The following PCDHA4 variants were observed in gnomAD, a reference collection of about 807,000 sequenced individuals.
PCDHA4 encodes the protein protocadherin alpha 4.
PCDHA4 carries 49 observed loss-of-function variants against 61.4 expected under a neutral mutation model. The observed-to-expected ratio is 0.80, with a 90% CI of 0.63 to 1.01. The LOEUF (loss-of-function observed/expected upper bound fraction) is 1.01, where lower values mean the gene tolerates loss of function less well. Ranked by LOEUF, PCDHA4 falls within the 50% of genes least tolerant of loss-of-function variation. The pLI, the probability that PCDHA4 is intolerant of heterozygous loss-of-function variation, is 0.00. For missense variants in PCDHA4, 1,254 were observed against 1,235.8 expected, an observed-to-expected ratio of 1.01 and a Z score of -0.22; for synonymous variants, 590 against 550.3, an observed-to-expected ratio of 1.07 and a Z score of -1.01.
rs139717123 is a variant in PCDHA4, at chr5:140,967,213, G to A, written c.2386-11736G>A. 8 of 1,613,598 alleles carry A rather than the reference G, an allele frequency of 5.0e-6. No individual in the cohort carries two copies. The African/African-American group carries it at 8.0e-5, about 16-fold the overall frequency. On this transcript the variant is annotated intron_variant, in intron 1 of 3. Coordinates refer to ENST00000530339, the MANE Select transcript of PCDHA4 (RefSeq NM_018907.4). ...TCAACGACAACTCACCGCGTTTCCC[G>A]CGGCCCAACTACCAGCTTCAGGTAA...
At chr5:140,859,972 C>A (rs949834053) in intron 1 of PCDHA4, 1 of 151,842 alleles carries the variant, frequency 6.6e-6, no homozygotes, top group South Asian at 2.1e-4. Flanking sequence ...CTCAGGTATA[C>A]AAGTGCATTA....
rs188796483 is a variant in PCDHA4 at position 140,869,402 on chromosome 5, C to T, written c.2385+59830C>T. On this transcript the variant is annotated intron_variant, in intron 1 of 3. Transcript: ENST00000530339. The stretch of plus-strand genomic sequence containing the variant: ...CGCGAGGAGCTGTGCGGGCAGAGCG[C>T]GGAGTGCAGCATCCACCTGGAGGTG... 9.6e-4 allele frequency: 1,554 copies of T among 1,614,178 alleles called. 9 individuals are homozygous for T. The highest frequency in any genetic ancestry group is 2.2e-4 in the Non-Finnish European group (262 of 1,180,040).
intron 1 of PCDHA4, 79 bp from the exon 2 acceptor site, chr5:140,978,870 G>T: frequency 6.2e-7 from 1 of 1,606,988 alleles, no homozygotes; most frequent in Non-Finnish European, 8.5e-7. Context: ...ATTTAAGGGA[G>T]TAACTAATCA....
intron 1 of PCDHA4, among the ~76,000 whole-genome samples, chr5:140,906,729 G>T (rs1444256364): frequency 1.3e-5 from 2 of 152,184 alleles, no homozygotes; most frequent in Admixed American, 1.3e-4. Flanking sequence ...TGCTGTTGTA[G>T]TTTCCCATTG....
At chr5:140,948,271 T>C (rs1295867135) in intron 1 of PCDHA4, among the ~76,000 whole-genome samples, 4 of 151,646 alleles carry the variant, frequency 2.6e-5, no homozygotes, top group Non-Finnish European at 5.9e-5. Flanking sequence ...TCATGTAGAA[T>C]ATCTGTAAAT....
intron 1 of PCDHA4, chr5:140,828,834 A>G: frequency 1.9e-6 from 3 of 1,614,222 alleles, no homozygotes; most frequent in Non-Finnish European, 2.5e-6. Flanking sequence ...TCTGAATACG[A>G]AGTAAGAATA....
At chr5:140,870,227 A>G in intron 1 of PCDHA4, 1 of 1,614,142 alleles carries the variant, frequency 6.2e-7, no homozygotes, top group Non-Finnish European at 8.5e-7. Flanking sequence ...AGCGTGTCTG[A>G]CCGTGACTCA....
Position 140,857,453 on chromosome 5 carries a change from C to A in PCDHA4, c.2385+47881C>A, listed in dbSNP as rs545328956. On this transcript the variant is annotated intron_variant, in intron 1 of 3. Coordinates refer to ENST00000530339, the MANE Select transcript of PCDHA4 (RefSeq NM_018907.4). ...GGTGTTCGTGAAGGAGAACAACCCG[C>A]CAGGCTGCCACATCTTCACGGTGTC... 1 of 1,598,604 alleles carries A rather than the reference C, an allele frequency of 6.3e-7. No individual in the cohort carries two copies. The highest frequency in any genetic ancestry group is 1.1e-5 in the South Asian group (1 of 90,558).
At chr5:140,963,195 T>TG (rs1323958663) in intron 1 of PCDHA4, among the ~76,000 whole-genome samples, 4 of 150,680 alleles carry the variant, frequency 2.7e-5, no homozygotes, top group Non-Finnish European at 5.9e-5. Flanking sequence ...ACTGTGAAAA[T>TG]GAAAAAAAAA....
At chr5:140,945,000 G>T (rs980802301) in intron 1 of PCDHA4, among the ~76,000 whole-genome samples, 2 of 151,862 alleles carry the variant, frequency 1.3e-5, no homozygotes. Flanking sequence ...AACGGTTGTG[G>T]GTCATGAATT....
At chr5:140,982,436 T>G (rs782353079) in intron 2 of PCDHA4, 39 bp from the exon 3 acceptor site, 18 of 1,613,262 alleles carry the variant, frequency 1.1e-5, no homozygotes, top group Non-Finnish European at 1.5e-5. Context: ...GGAAAGAATT[T>G]ATGATCTAAC....
At chr5:140,847,483 T>C (rs1445193080) in intron 1 of PCDHA4, 2 of 149,968 alleles carry the variant, frequency 1.3e-5, no homozygotes, top group Non-Finnish European at 3.0e-5. Flanking sequence ...TGGAATAAGA[T>C]AGTAAAACTC....
At chr5:140,869,868 T>A (rs782375084) in intron 1 of PCDHA4, 2 of 1,610,492 alleles carry the variant, frequency 1.2e-6, no homozygotes, top group African/African-American at 2.7e-5. Context: ...TGGAAAATGC[T>A]GCTAAAGAAA....
chr5:141,001,360 A>G (rs1432580617), intron 3 of PCDHA4, among the ~76,000 whole-genome samples: 2 of 152,212 alleles, frequency 1.3e-5, no homozygotes, highest in Non-Finnish European at 2.9e-5. Flanking sequence ...GTTTAAGCCT[A>G]CTATTCTGAT....
intron 1 of PCDHA4, chr5:140,856,192 G>A (rs782508103): frequency 1.9e-6 from 3 of 1,598,180 alleles, no homozygotes; most frequent in Non-Finnish European, 1.7e-6. Context: ...GCCGCATCGC[G>A]CAGGACCTGG....
At chr5:140,811,882 T>C (rs1554125838) in intron 1 of PCDHA4, 1 of 152,244 alleles carries the variant, frequency 6.6e-6, no homozygotes, top group Non-Finnish European at 1.5e-5. Context: ...TTAGGTTCTT[T>C]GTAGATTCTG....
chr5:140,807,713 G>A lies in PCDHA4; in HGVS notation c.526G>A (p.Glu176Lys), dbSNP rs782799049. 4 of 1,614,204 alleles carry A rather than the reference G, an allele frequency of 2.5e-6. No homozygotes were observed. The highest frequency in any genetic ancestry group is 3.4e-6 in the Non-Finnish European group (4 of 1,180,050). The change falls in exon 1 of 4, where the codon GAA becomes AAA. Residue 176 changes from glutamate to lysine, a missense_variant. Glu to Lys is a moderately conservative substitution (Grantham distance 56, BLOSUM62 1). Coordinates refer to ENST00000530339, the MANE Select transcript of PCDHA4 (RefSeq NM_018907.4). Reference sequence around the variant, plus strand: ...GCTCACTTACAGACTGAGCCCAAATGAATACTTTTCTCTGGAAAAACCACC... The same window carrying A: ...GCTCACTTACAGACTGAGCCCAAATAAATACTTTTCTCTGGAAAAACCACC... ...ALLTYRLSPN[E>K]YFSLEKPPDD... is the part of the protein sequence containing the mutation.
In PCDHA4 at chr5:140,855,883, A is replaced by G. The variant is rs2043659343; in HGVS notation, c.2385+46311A>G. 3.2e-6 allele frequency: 3 copies of G among 946,140 alleles called. 1 individual carries two copies. Among genetic ancestry groups the G allele is most frequent in the African/African-American group, 3.3e-5 (2 of 60,716 alleles). 58.6% of individuals were successfully genotyped at this position (946,140 alleles called of 1,614,324 possible). On this transcript the variant is annotated intron_variant, in intron 1 of 3. Coordinates refer to ENST00000530339, the MANE Select transcript of PCDHA4 (RefSeq NM_018907.4). The stretch of plus-strand genomic sequence containing the variant: ...GCTGTCGTCCACAAAATAGCTTTTT[A>G]GAACAAAGGCATCAGCCAGTTTCTC...
intron 1 of PCDHA4, among the ~76,000 whole-genome samples, chr5:140,915,885 G>A (rs1487160672): frequency 6.6e-6 from 1 of 152,204 alleles, no homozygotes; most frequent in Admixed American, 6.5e-5. Context: ...AGGGTAGCAA[G>A]TTCCCCCTGG....
Sources: allele counts gnomAD v4.1 joint callset (sites outside exome capture counted in the v4.1 genomes callset), GRCh38; gene constraint gnomAD v4.1.1; transcripts MANE v1.5; gene names NCBI Gene and HGNC (gene_info 2026-07-23, HGNC 2026-07-21).